GALNT13: variants seen among roughly 807,000 people sequenced by gnomAD.
The protein encoded by GALNT13 is UDP-GalNAc:polypeptide N-acetylgalactosaminyltransferase 13.
Under a neutral mutation model 64.2 loss-of-function variants are expected in GALNT13, and 28 were observed. The ratio of observed to expected loss-of-function variants is 0.44; its 90% CI spans 0.32 to 0.60. The LOEUF (loss-of-function observed/expected upper bound fraction) is 0.60. GALNT13 is among the 20% of genes least tolerant of loss of function. The pLI is 0.05. For missense variants in GALNT13, 577 were observed against 669.8 expected, an observed-to-expected ratio of 0.86 and a Z score of 1.53; for synonymous variants, 214 against 224.6, an observed-to-expected ratio of 0.95 and a Z score of 0.42.
At chr2:153,791,716 G>A in the GALNT13 span, among the ~76,000 whole-genome samples, 1 of 152,034 alleles carries the variant, frequency 6.6e-6, no homozygotes, top group Non-Finnish European at 1.5e-5. Flanking sequence ...AATATGGTAT[G>A]TCTACACCAT....
the GALNT13 span, among the ~76,000 whole-genome samples, chr2:153,784,202 C>T: frequency 6.6e-6 from 1 of 152,098 alleles, no homozygotes; most frequent in Non-Finnish European, 1.5e-5. Context: ...TGGCTTTGAC[C>T]AAAATGCTGA....
rs1404959865 is a variant in GALNT13, at chr2:154,439,572, C to A, written c.1530+846C>A. Reference sequence around the variant, plus strand: ...TAGAGGTAAATGAGTCTCACAGATGCAGTATTCCATGCAAGCCTAAAATTT... The same window carrying A: ...TAGAGGTAAATGAGTCTCACAGATGAAGTATTCCATGCAAGCCTAAAATTT... On this transcript the variant is annotated intron_variant, in intron 12 of 12. Coordinates refer to ENST00000392825, the MANE Select transcript of GALNT13 (RefSeq NM_052917.4). Among the ~76,000 whole-genome samples, 3 of 152,144 alleles carry A rather than the reference C, an allele frequency of 2.0e-5. No homozygotes were observed. The East Asian group carries it at 5.8e-4, about 29-fold the overall frequency.
chr2:153,649,971 C>A, the GALNT13 span, among the ~76,000 whole-genome samples: 1 of 152,104 alleles, frequency 6.6e-6, no homozygotes, highest in East Asian at 1.9e-4. Flanking sequence ...CTGTAGATGT[C>A]TATTAGGTCT....
chr2:154,068,234 A>T (rs1700565966), intron 3 of GALNT13, among the ~76,000 whole-genome samples: 1 of 151,988 alleles, frequency 6.6e-6, no homozygotes, highest in Admixed American at 6.6e-5. Context: ...GAGGATGAGG[A>T]CAAAAGGGAG....
the GALNT13 span, among the ~76,000 whole-genome samples, chr2:153,261,942 C>G: frequency 6.6e-6 from 1 of 152,120 alleles, no homozygotes; most frequent in African/African-American, 2.4e-5. Context: ...AACCCTGAGT[C>G]TCTTACATCA....
chr2:153,762,759 A>G, the GALNT13 span: 1 of 151,344 alleles, frequency 6.6e-6, no homozygotes, highest in Admixed American at 6.6e-5. Context: ...AGTATTCTGG[A>G]AAGTTCGGCC....
intron 9 of GALNT13, among the ~76,000 whole-genome samples, chr2:154,379,803 G>A (rs1327980241): frequency 2.0e-5 from 3 of 151,822 alleles, no homozygotes; most frequent in Non-Finnish European, 4.4e-5. Context: ...TGAATCCTGG[G>A]CAGGAAAACA....
chr2:154,382,213 C>G (rs1295414867), intron 9 of GALNT13, among the ~76,000 whole-genome samples: 3 of 151,920 alleles, frequency 2.0e-5, no homozygotes, highest in Admixed American at 6.6e-5. Flanking sequence ...AGTCCTAGAC[C>G]AATGATATCT....
At chr2:153,209,618 T>A in the GALNT13 span, among the ~76,000 whole-genome samples, 1 of 152,160 alleles carries the variant, frequency 6.6e-6, no homozygotes, top group East Asian at 1.9e-4. Flanking sequence ...ACTTATATCT[T>A]ATTATTAAAA....
the GALNT13 span, among the ~76,000 whole-genome samples, chr2:153,817,395 T>C: frequency 2.3e-3 from 348 of 152,340 alleles, 2 homozygotes; most frequent in African/African-American, 7.1e-3. Flanking sequence ...ATCTTCACCC[T>C]TGATATCTGA....
At chr2:153,281,110 T>G in the GALNT13 span, among the ~76,000 whole-genome samples, 1 of 152,186 alleles carries the variant, frequency 6.6e-6, no homozygotes, top group Admixed American at 6.5e-5. Flanking sequence ...TGTCACTATA[T>G]TATGTCTTTC....
chr2:153,884,819 G>GTGTA (rs1553450586), intron 1 of GALNT13, among the ~76,000 whole-genome samples: 5 of 109,808 alleles, frequency 4.6e-5, no homozygotes, highest in Non-Finnish European at 6.9e-5. Context: ...GTGTGTGTGT[G>GTGTA]TATATATATG....
At chr2:153,348,525 G>C in the GALNT13 span, among the ~76,000 whole-genome samples, 1 of 152,086 alleles carries the variant, frequency 6.6e-6, no homozygotes, top group Non-Finnish European at 1.5e-5. Context: ...TTCTTGAAAA[G>C]TTTGTTTTTA....
chr2:154,192,165 G>GTGCT (rs1686625745), intron 4 of GALNT13, among the ~76,000 whole-genome samples: 1 of 152,180 alleles, frequency 6.6e-6, no homozygotes, highest in African/African-American at 2.4e-5. Context: ...GCCTTTCAGT[G>GTGCT]TGCTCTCAGG....
At chr2:153,690,561 G>A in the GALNT13 span, among the ~76,000 whole-genome samples, 3 of 152,004 alleles carry the variant, frequency 2.0e-5, no homozygotes, top group African/African-American at 7.3e-5. Flanking sequence ...AGAGTGATGG[G>A]GACTTACAAA....
chr2:153,493,955 C>A, the GALNT13 span, among the ~76,000 whole-genome samples: 1 of 151,822 alleles, frequency 6.6e-6, no homozygotes, highest in Admixed American at 6.6e-5. Context: ...GTTCTATGGG[C>A]TATACAAGCA....
the GALNT13 span, among the ~76,000 whole-genome samples, chr2:153,282,158 C>T: frequency 5.9e-5 from 9 of 151,856 alleles, no homozygotes; most frequent in Admixed American, 5.9e-4. Flanking sequence ...CTTTCTTCTG[C>T]ATGGTTCAGT....
At chr2:153,900,717 A>G (rs757534478) in intron 1 of GALNT13, among the ~76,000 whole-genome samples, 4 of 152,080 alleles carry the variant, frequency 2.6e-5, no homozygotes, top group Non-Finnish European at 5.9e-5. Context: ...CTCTTTCTTC[A>G]AAGTGTTCTC....
At chr2:154,255,277 G>A (rs1032226801) in intron 7 of GALNT13, among the ~76,000 whole-genome samples, 8 of 152,144 alleles carry the variant, frequency 5.3e-5, no homozygotes, top group Non-Finnish European at 1.0e-4. Flanking sequence ...TTGTAGAGGC[G>A]GGAGCAGGAT....
Sources: allele counts gnomAD v4.1 joint callset (sites outside exome capture counted in the v4.1 genomes callset), GRCh38; gene constraint gnomAD v4.1.1; transcripts MANE v1.5; gene names NCBI Gene and HGNC (gene_info 2026-07-23, HGNC 2026-07-21).